TAFA1: variants seen among roughly 807,000 people sequenced by gnomAD.
The protein encoded by TAFA1 is chemokine-like protein TAFA-1.
In TAFA1, 4 loss-of-function variants were observed where a neutral mutation model predicts 18.5. The ratio of observed to expected loss-of-function variants is 0.22; its 90% confidence interval spans 0.11 to 0.49. TAFA1 has a LOEUF of 0.49. Ranked by LOEUF, TAFA1 falls within the 20% of genes least tolerant of loss-of-function variation. The pLI is 0.98. For missense variants in TAFA1, 147 were observed against 169.0 expected (o/e 0.87, Z 0.72); for synonymous variants, 56 against 55.2 (o/e 1.01, Z -0.06).
At chr3:68,541,401 T>A (rs559946147) in intron 4 of TAFA1, among the ~76,000 whole-genome samples, 5 of 152,358 alleles carry the variant, frequency 3.3e-5, no homozygotes, top group Admixed American at 1.3e-4. Flanking sequence ...TCATCTGCTC[T>A]GAAAATATGT....
At chr3:68,416,144 A>C (rs2070833144) in intron 2 of TAFA1, among the ~76,000 whole-genome samples, 1 of 152,110 alleles carries the variant, frequency 6.6e-6, no homozygotes, top group African/African-American at 2.4e-5. Context: ...GAGCAACATC[A>C]CACCCCACCA....
chr3:68,472,787 C>T (rs955223740), intron 3 of TAFA1, among the ~76,000 whole-genome samples: 2 of 151,924 alleles, frequency 1.3e-5, no homozygotes, highest in East Asian at 1.9e-4. Flanking sequence ...ATCACATATG[C>T]CTAATAAGTG....
In TAFA1 at chr3:68,270,367, G is replaced by T. The variant is rs527544931; in HGVS notation, c.119-146913G>T. Among the ~76,000 whole-genome samples the T allele has an allele frequency of 1.2e-4, 18 of 152,266 alleles. No homozygotes were observed. In the South Asian group the frequency reaches 2.1e-3, roughly 18 times the overall value. On this transcript the variant is annotated intron_variant, in intron 2 of 4. Coordinates refer to ENST00000478136, the MANE Select transcript of TAFA1 (RefSeq NM_213609.4). ...AGATGACTCTTGTTGCATTTGGTGT[G>T]TTTGTGTCCAGAAGAAGACAGAGCA...
intron 2 of TAFA1, among the ~76,000 whole-genome samples, chr3:68,268,564 A>ACCC: frequency 6.6e-6 from 1 of 152,158 alleles, no homozygotes; most frequent in African/African-American, 2.4e-5. Context: ...GGTGAAGGAA[A>ACCC]TGAAAGGTGA....
chr3:68,103,329 T>C (rs1474371768), intron 2 of TAFA1, among the ~76,000 whole-genome samples: 1 of 152,180 alleles, frequency 6.6e-6, no homozygotes, highest in African/African-American at 2.4e-5. Context: ...GAGGAGGAAG[T>C]GTTGTATGGT....
At chr3:68,539,690 G>GGC (rs1559711697) in intron 4 of TAFA1, among the ~76,000 whole-genome samples, 1 of 95,302 alleles carries the variant, frequency 1.0e-5, no homozygotes, top group Non-Finnish European at 2.1e-5. Context: ...GGGGGGCATG[G>GGC]GGTGGGTGGG....
chr3:68,138,507 C>T (rs745431823), intron 2 of TAFA1, among the ~76,000 whole-genome samples: 1 of 152,156 alleles, frequency 6.6e-6, no homozygotes, highest in Non-Finnish European at 1.5e-5. Flanking sequence ...TGTTTGTTAT[C>T]AAGGCTGAAT....
intron 3 of TAFA1, among the ~76,000 whole-genome samples, chr3:68,486,492 GA>G (rs1212948320): frequency 6.6e-6 from 1 of 152,124 alleles, no homozygotes; most frequent in African/African-American, 2.4e-5. Context: ...AACACAAACA[GA>G]AATGGGTTCA....
chr3:68,108,715 AT>A (rs1471566575), intron 2 of TAFA1, among the ~76,000 whole-genome samples: 1 of 152,140 alleles, frequency 6.6e-6, no homozygotes, highest in African/African-American at 2.4e-5. Flanking sequence ...AGGTATAAAA[AT>A]ATACCTAAAT....
At chr3:68,154,025 T>C (rs2065837063) in intron 2 of TAFA1, among the ~76,000 whole-genome samples, 1 of 152,198 alleles carries the variant, frequency 6.6e-6, no homozygotes, top group African/African-American at 2.4e-5. Flanking sequence ...GCTAGCCAGC[T>C]TAATGAACAG....
chr3:68,068,028 C>T (rs1293777886), intron 2 of TAFA1, among the ~76,000 whole-genome samples: 1 of 152,186 alleles, frequency 6.6e-6, no homozygotes, highest in African/African-American at 2.4e-5. Flanking sequence ...CTTTGACATT[C>T]GCCATCCTTG....
chr3:68,139,117 T>G (rs1373776101), intron 2 of TAFA1, among the ~76,000 whole-genome samples: 1 of 152,210 alleles, frequency 6.6e-6, no homozygotes, highest in Non-Finnish European at 1.5e-5. Flanking sequence ...ATACTCTAAT[T>G]AAGAAAATTC....
chr3:68,016,482 A>C (rs1156724669), intron 2 of TAFA1, among the ~76,000 whole-genome samples: 1 of 152,168 alleles, frequency 6.6e-6, no homozygotes, highest in Non-Finnish European at 1.5e-5. Flanking sequence ...GTTAGGTTTA[A>C]ATACACAAAT....
intron 2 of TAFA1, among the ~76,000 whole-genome samples, chr3:68,224,991 C>A (rs1260763138): frequency 3.6e-5 from 5 of 140,176 alleles, no homozygotes; most frequent in Non-Finnish European, 7.5e-5. Context: ...TCACTGCAAC[C>A]TCTGCCTCCC....
At chr3:68,424,199 T>C (rs1240763100) in intron 3 of TAFA1, among the ~76,000 whole-genome samples, 1 of 151,890 alleles carries the variant, frequency 6.6e-6, no homozygotes, top group Admixed American at 6.6e-5. Flanking sequence ...GTCCCCAAGA[T>C]AAGTGCAAAT....
At chr3:68,246,547 G>GCCAC (rs1462336045) in intron 2 of TAFA1, among the ~76,000 whole-genome samples, 1 of 125,108 alleles carries the variant, frequency 8.0e-6, no homozygotes, top group East Asian at 2.3e-4. Flanking sequence ...CCGAGATGGT[G>GCCAC]CCACCGCACT....
At chr3:68,408,165 T>C (rs562009366) in intron 2 of TAFA1, among the ~76,000 whole-genome samples, 2 of 152,208 alleles carry the variant, frequency 1.3e-5, no homozygotes, top group Non-Finnish European at 2.9e-5. Flanking sequence ...AGGAACCGTT[T>C]GTAATAAAGT....
chr3:68,347,781 A>C (rs1196009173), intron 2 of TAFA1, among the ~76,000 whole-genome samples: 2 of 152,354 alleles, frequency 1.3e-5, no homozygotes, highest in Admixed American at 1.3e-4. Context: ...TTCTAGCAAC[A>C]GTCAACTACA....
intron 2 of TAFA1, among the ~76,000 whole-genome samples, chr3:68,256,675 G>A (rs953493391): frequency 6.6e-6 from 1 of 152,086 alleles, no homozygotes; most frequent in Admixed American, 6.5e-5. Flanking sequence ...TGGACACTCT[G>A]GAAGAAGAGG....
Sources: gnomAD v4.1 joint callset for allele counts (sites outside exome capture counted in the v4.1 genomes callset) on GRCh38, gnomAD v4.1.1 for gene constraint, MANE v1.5 for transcripts, NCBI Gene and HGNC (gene_info 2026-07-23, HGNC 2026-07-21) for gene names.